Variants in SH3RF3 observed in about 807,000 individuals in gnomAD.
SH3RF3 encodes the protein E3 ubiquitin-protein ligase SH3RF3.
SH3RF3 carries 29 observed loss-of-function variants against 66.3 expected under a neutral mutation model. The ratio of observed to expected loss-of-function variants is 0.44; its 90% CI spans 0.33 to 0.60. SH3RF3 has a LOEUF of 0.60. Among genes scored for constraint, SH3RF3 ranks in the 20% least tolerant of loss-of-function variants. The probability of loss-of-function intolerance (pLI) is 0.04; values close to 1 mark genes in which losing one functional copy is unlikely to be tolerated. For synonymous variants in SH3RF3, 583 were observed against 532.0 expected (o/e 1.10, Z -1.32); for missense variants, 1,194 against 1,190.9 (o/e 1.00, Z -0.04).
chr2:109,400,791 T>C (rs1209673834), intron 4 of SH3RF3, among the ~76,000 whole-genome samples: 1 of 152,210 alleles, frequency 6.6e-6, no homozygotes, highest in East Asian at 1.9e-4. Context: ...GCTGTAACCG[T>C]GCAGTCATCT....
chr2:109,143,900 G>T (rs1574472226), intron 1 of SH3RF3, among the ~76,000 whole-genome samples: 1 of 152,196 alleles, frequency 6.6e-6, no homozygotes, highest in East Asian at 1.9e-4. Flanking sequence ...ATTTGTGATG[G>T]CATGGATGAG....
Position 109,504,214 on chromosome 2 carries a change from T to C in SH3RF3, c.*2543T>C, listed in dbSNP as rs990826166. 3.5e-4 allele frequency: 53 copies of C among 152,242 alleles called. No individual in the cohort carries two copies. Among genetic ancestry groups the C allele is most frequent in the Non-Finnish European group, 2.9e-5 (2 of 68,044 alleles). 9.4% of individuals were successfully genotyped at this position (152,242 alleles called of 1,614,324 possible). ...GCGGTTAAGATGAAACTAACCCTTA[T>C]GTTTCATCCTGGCCCCATGATGTAC... On this transcript the variant is annotated 3_prime_UTR_variant, in exon 10 of 10. Transcript: ENST00000309415.
At chr2:109,281,966 A>G (rs533365275) in intron 1 of SH3RF3, among the ~76,000 whole-genome samples, 63 of 152,172 alleles carry the variant, frequency 4.1e-4, no homozygotes, top group African/African-American at 1.3e-3. Context: ...CAGAAGCCCA[A>G]TGGCCGAGCG....
At chr2:109,317,832 G>A (rs564968073) in intron 1 of SH3RF3, among the ~76,000 whole-genome samples, 14 of 152,104 alleles carry the variant, frequency 9.2e-5, no homozygotes, top group Non-Finnish European at 1.0e-4. Context: ...TAGCGCATCC[G>A]TCTTGGGTCA....
At chr2:109,483,593 G>A (rs1678889182) in intron 8 of SH3RF3, among the ~76,000 whole-genome samples, 1 of 152,174 alleles carries the variant, frequency 6.6e-6, no homozygotes, top group Non-Finnish European at 1.5e-5. Context: ...TGCTGTGTCG[G>A]CCAAAATACT....
intron 1 of SH3RF3, among the ~76,000 whole-genome samples, chr2:109,327,491 T>TCAAGTA (rs138339133): frequency 0.08 from 12,167 of 152,220 alleles, 1,141 homozygotes; most frequent in African/African-American, 0.23. Flanking sequence ...AATCAATTTG[T>TCAAGTA]CAAGTACTTT....
chr2:109,415,854 C>T (rs572948391), intron 4 of SH3RF3, among the ~76,000 whole-genome samples: 1 of 152,282 alleles, frequency 6.6e-6, no homozygotes, highest in African/African-American at 2.4e-5. Context: ...GAAATTTAAT[C>T]CCCCAGGCGC....
Position 109,449,342 on chromosome 2 carries a change from C to G in SH3RF3, c.2001C>G (p.Pro667=). Residue 667 remains proline (P), a synonymous_variant, in exon 8 of 10, where the codon CCC becomes CCG. Transcript: ENST00000309415. ...PVQMCPRPAI[P]LTSAASAITP... ...AGATGTGCCCACGGCCGGCCATCCC[C>G]CTCACATCAGCAGCATCAGCCATCA... 6.2e-7 allele frequency: 1 copy of G among 1,606,890 alleles called. No individual in the cohort carries two copies. Among genetic ancestry groups the G allele is most frequent in the South Asian group, 1.1e-5 (1 of 89,968 alleles).
intron 1 of SH3RF3, among the ~76,000 whole-genome samples, chr2:109,184,894 G>A (rs994805903): frequency 6.6e-5 from 10 of 152,192 alleles, no homozygotes; most frequent in Admixed American, 6.5e-5. Context: ...AGCGAAAAAG[G>A]CCTCATCAAA....
chr2:109,230,274 C>T (rs146146135), intron 1 of SH3RF3, among the ~76,000 whole-genome samples: 1,930 of 152,116 alleles, frequency 0.013, 19 homozygotes, highest in South Asian at 0.024. Flanking sequence ...CATATACTTC[C>T]AGTAGAAATC....
intron 8 of SH3RF3, among the ~76,000 whole-genome samples, chr2:109,455,787 C>T (rs1185722428): frequency 1.3e-5 from 2 of 152,232 alleles, no homozygotes; most frequent in Non-Finnish European, 1.5e-5. Context: ...GCGCTCATCC[C>T]AGCTTCTCCA....
intron 9 of SH3RF3, among the ~76,000 whole-genome samples, chr2:109,491,637 G>T (rs1308023434): frequency 6.6e-6 from 1 of 152,168 alleles, no homozygotes; most frequent in African/African-American, 2.4e-5. Context: ...ACCTGGCTTG[G>T]ATCCCCCTGT....
chr2:109,281,813 C>T (rs1016197148), intron 1 of SH3RF3, among the ~76,000 whole-genome samples: 1 of 152,214 alleles, frequency 6.6e-6, no homozygotes, highest in South Asian at 2.1e-4. Flanking sequence ...CTGTCGGGGG[C>T]ACGCTGACCA....
At chr2:109,290,392 C>T (rs761036970) in intron 1 of SH3RF3, among the ~76,000 whole-genome samples, 1 of 152,206 alleles carries the variant, frequency 6.6e-6, no homozygotes, top group Non-Finnish European at 1.5e-5. Flanking sequence ...ACCATAAATA[C>T]TCAAAGTCCC....
At chr2:109,249,019 C>T (rs1240633792) in intron 1 of SH3RF3, among the ~76,000 whole-genome samples, 4 of 152,064 alleles carry the variant, frequency 2.6e-5, no homozygotes, top group African/African-American at 9.7e-5. Context: ...GTAGCTGGGA[C>T]TATAGGTGCA....
intron 7 of SH3RF3, among the ~76,000 whole-genome samples, chr2:109,446,462 A>C (rs574797508): frequency 9.8e-5 from 15 of 152,294 alleles, no homozygotes; most frequent in Admixed American, 8.5e-4. Flanking sequence ...AACTGTGAGG[A>C]GCTAAGAGCC....
intron 3 of SH3RF3, among the ~76,000 whole-genome samples, chr2:109,393,290 G>A (rs769683786): frequency 6.6e-6 from 1 of 152,220 alleles, no homozygotes; most frequent in African/African-American, 2.4e-5. Context: ...TCTCAGGGAG[G>A]GTGCTGCCAT....
intron 8 of SH3RF3, among the ~76,000 whole-genome samples, chr2:109,475,070 C>G (rs1678648086): frequency 6.6e-6 from 1 of 152,192 alleles, no homozygotes; most frequent in Non-Finnish European, 1.5e-5. Flanking sequence ...CTCCACCTCC[C>G]AGGTTCGAGC....
chr2:109,262,523 T>C (rs1345753402), intron 1 of SH3RF3, among the ~76,000 whole-genome samples: 1 of 152,216 alleles, frequency 6.6e-6, no homozygotes, highest in Non-Finnish European at 1.5e-5. Context: ...GGCCCTTTCC[T>C]TGCGGCCTCA....
Sources: allele counts gnomAD v4.1 joint callset (sites outside exome capture counted in the v4.1 genomes callset), GRCh38; gene constraint gnomAD v4.1.1; transcripts MANE v1.5; gene names NCBI Gene and HGNC (gene_info 2026-07-23, HGNC 2026-07-21).